Variants in FBXL13 observed in about 807,000 individuals in gnomAD.
FBXL13 encodes F-box and leucine-rich repeat protein 13.
FBXL13 carries 67 observed loss-of-function variants against 83.6 expected under a neutral mutation model. The ratio of observed to expected loss-of-function variants is 0.80; its 90% CI spans 0.66 to 0.98. The LOEUF (loss-of-function observed/expected upper bound fraction) is 0.98. Among genes scored for constraint, FBXL13 ranks in the 50% least tolerant of loss-of-function variants. The pLI is 0.00. For missense variants in FBXL13, 822 were observed against 866.5 expected, an observed-to-expected ratio of 0.95 and a Z score of 0.64; for synonymous variants, 272 against 299.5, an observed-to-expected ratio of 0.91 and a Z score of 0.95.
chr7:102,829,053 A>G (rs1174426866), intron 18 of FBXL13, among the ~76,000 whole-genome samples: 1 of 152,214 alleles, frequency 6.6e-6, no homozygotes, highest in African/African-American at 2.4e-5. Context: ...TTCCCCCTAG[A>G]AACAGGACAT....
At chr7:102,933,648 G>C in intron 8 of FBXL13, 1 of 243,936 alleles carries the variant, frequency 4.1e-6, no homozygotes, top group African/African-American at 2.2e-5. Context: ...AGAGGGGAAG[G>C]AGCTTTCTAC....
intron 15 of FBXL13, among the ~76,000 whole-genome samples, chr7:102,878,109 G>A (rs1194783547): frequency 6.6e-6 from 1 of 152,012 alleles, no homozygotes; most frequent in Non-Finnish European, 1.5e-5. Flanking sequence ...TTTCAGGAAC[G>A]ACTCCCTCAG....
At chr7:102,976,698 A>C (rs900091064) in intron 6 of FBXL13, among the ~76,000 whole-genome samples, 6 of 152,270 alleles carry the variant, frequency 3.9e-5, no homozygotes, top group African/African-American at 1.4e-4. Flanking sequence ...TCACAGAAGC[A>C]GTATCCCATC....
chr7:103,028,140 C>G (rs1384875565), intron 4 of FBXL13, among the ~76,000 whole-genome samples: 1 of 152,168 alleles, frequency 6.6e-6, no homozygotes, highest in Non-Finnish European at 1.5e-5. Context: ...GCATGGATCA[C>G]ATGAATGTAC....
chr7:102,944,532 A>T (rs770432607), intron 8 of FBXL13: 2 of 1,613,770 alleles, frequency 1.2e-6, no homozygotes, highest in Non-Finnish European at 1.7e-6. Context: ...AAGACACAGA[A>T]GATGATGAAT....
intron 2 of FBXL13, among the ~76,000 whole-genome samples, chr7:103,039,344 A>G (rs1795413646): frequency 6.6e-6 from 1 of 152,122 alleles, no homozygotes; most frequent in Non-Finnish European, 1.5e-5. Context: ...ATAAATATAC[A>G]TTTGATTGGT....
At chr7:102,923,989 C>T (rs1374806177) in intron 10 of FBXL13, among the ~76,000 whole-genome samples, 2 of 152,044 alleles carry the variant, frequency 1.3e-5, no homozygotes, top group African/African-American at 4.8e-5. Context: ...CTTGTAATCC[C>T]AGCACTTTGG....
At chr7:102,811,910 A>C (rs1318214075), downstream of FBXL13, among the ~76,000 whole-genome samples, 5 of 152,228 alleles carry the variant, frequency 3.3e-5, no homozygotes, top group African/African-American at 1.2e-4. Context: ...AGTCAACCTC[A>C]GTGGGGGAGA....
chr7:103,041,722 C>T (rs933936216), intron 2 of FBXL13, among the ~76,000 whole-genome samples: 2 of 152,106 alleles, frequency 1.3e-5, no homozygotes, highest in Non-Finnish European at 2.9e-5. Flanking sequence ...TGACAAAAAC[C>T]ACATGATTAT....
intron 18 of FBXL13, among the ~76,000 whole-genome samples, chr7:102,827,591 ATG>A (rs1554401496): frequency 6.6e-6 from 1 of 151,826 alleles, no homozygotes; most frequent in Non-Finnish European, 1.5e-5. Context: ...TTTGTTACAT[ATG>A]TATACATGTG....
At chr7:103,072,293 G>A (rs1799042140) in intron 1 of FBXL13, among the ~76,000 whole-genome samples, 1 of 152,156 alleles carries the variant, frequency 6.6e-6, no homozygotes, top group African/African-American at 2.4e-5. Flanking sequence ...TAGAAGAAAT[G>A]GGTAATGAGT....
intron 6 of FBXL13, among the ~76,000 whole-genome samples, chr7:102,979,726 T>C (rs1031256227): frequency 3.9e-5 from 6 of 152,214 alleles, no homozygotes; most frequent in African/African-American, 1.4e-4. Flanking sequence ...AAATATTTTA[T>C]TGAATAATCT....
chr7:102,968,148 A>C, intron 6 of FBXL13, 31 bp from the exon 8 acceptor site: 1 of 1,493,032 alleles, frequency 6.7e-7, no homozygotes, highest in Non-Finnish European at 9.3e-7. Context: ...ACAACTTTGA[A>C]AAATGTGAAC....
At chr7:102,849,535 C>T (rs1804798624) in intron 17 of FBXL13, among the ~76,000 whole-genome samples, 1 of 152,200 alleles carries the variant, frequency 6.6e-6, no homozygotes, top group Non-Finnish European at 1.5e-5. Flanking sequence ...AGAATCTCTC[C>T]TATAGTTACC....
intron 10 of FBXL13, 93 bp downstream of exon 11, chr7:102,926,181 A>G: frequency 9.9e-7 from 1 of 1,005,770 alleles, no homozygotes; most frequent in Non-Finnish European, 1.5e-6. Context: ...GGGTGTTGAT[A>G]AAGGGAGCAC....
At chr7:102,944,581 A>C (rs1220478445) in intron 8 of FBXL13, 5 of 1,609,346 alleles carry the variant, frequency 3.1e-6, no homozygotes, top group South Asian at 1.1e-5. Flanking sequence ...AAAGAAGCAA[A>C]GCGTAATAAT....
chr7:102,843,595 C>T (rs1343332599), intron 17 of FBXL13, among the ~76,000 whole-genome samples: 4 of 151,236 alleles, frequency 2.6e-5, no homozygotes, highest in African/African-American at 7.3e-5. Flanking sequence ...GCCAACGTGG[C>T]GAAACCCCGT....
chr7:102,886,886 G>C (rs1291714316), intron 11 of FBXL13, among the ~76,000 whole-genome samples: 11 of 152,186 alleles, frequency 7.2e-5, no homozygotes, highest in Admixed American at 3.9e-4. Flanking sequence ...GGCCTGATTT[G>C]CTACAGAAGC....
Position 102,926,037 on chromosome 7 carries a change from A to G in FBXL13, c.878+237T>C, listed in dbSNP as rs1467387364. Among the ~76,000 whole-genome samples, 3 of 152,142 alleles carry G rather than the reference A, an allele frequency of 2.0e-5. No individual in the cohort carries two copies. The East Asian group carries it at 5.8e-4, about 29-fold the overall frequency. On this transcript the variant is annotated intron_variant, in intron 10 of 19. Transcript: ENST00000313221. Reference sequence around the variant, plus strand: ...ATGGGGGACCAGAAAGAAGCAGGCAAAGTCTAACTCAAGCTACTGGGCACA... The same window carrying G: ...ATGGGGGACCAGAAAGAAGCAGGCAGAGTCTAACTCAAGCTACTGGGCACA...
Sources: allele counts gnomAD v4.1 joint callset (sites outside exome capture counted in the v4.1 genomes callset), GRCh38; gene constraint gnomAD v4.1.1; transcripts MANE v1.5; gene names NCBI Gene and HGNC (gene_info 2026-07-23, HGNC 2026-07-21).